The following ADNP variants were observed in gnomAD, a reference collection of about 807,000 sequenced individuals.
ADNP encodes activity-dependent neuroprotector homeobox protein.
A neutral mutation model predicts 84.9 loss-of-function variants in ADNP; 4 were observed. That is an observed-to-expected ratio of 0.05 (90% CI 0.02 to 0.11). ADNP has a LOEUF of 0.11. Among genes scored for constraint, ADNP ranks in the 10% least tolerant of loss-of-function variants. The pLI is 1.00. For synonymous variants in ADNP, 554 were observed against 468.1 expected, an observed-to-expected ratio of 1.18 and a Z score of -2.37; for missense variants, 1,132 against 1,326.0, an observed-to-expected ratio of 0.85 and a Z score of 2.27.
chr20:50,914,003 T>C, intron 2 of ADNP: 2 of 752,626 alleles, frequency 2.7e-6, no homozygotes, highest in South Asian at 1.4e-5. Flanking sequence ...AAAGCCCTTC[T>C]GGGAAAAGGT....
chr20:50,901,957 A>G (rs1464593575), intron 5 of ADNP, 60 bp downstream of exon 5: 5 of 1,257,094 alleles, frequency 4.0e-6, no homozygotes, highest in Non-Finnish European at 5.8e-6. Flanking sequence ...AAAGGCCTAG[A>G]GCTGAAAAGG....
chr20:50,906,073 G>A (rs1167372183), intron 2 of ADNP, among the ~76,000 whole-genome samples: 6 of 152,152 alleles, frequency 3.9e-5, no homozygotes, highest in Admixed American at 6.5e-5. Context: ...TTAGCTGGAC[G>A]TAGTGGCACG....
chr20:50,925,828 C>T (rs566238300), intron 2 of ADNP, among the ~76,000 whole-genome samples: 85 of 152,324 alleles, frequency 5.6e-4, no homozygotes, highest in Non-Finnish European at 1.1e-3. Context: ...GGGCTGGGAG[C>T]GGTGGCTCAC....
rs1984463201 is a variant in ADNP, at chr20:50,928,957, G to C, written c.-264-132C>G. 10 of 152,332 alleles carry C rather than the reference G, an allele frequency of 6.6e-5. No individual in the cohort carries two copies. The South Asian group carries it at 2.1e-3, about 32-fold the overall frequency. 9.4% of individuals were successfully genotyped at this position (152,332 alleles called of 1,614,324 possible). A position where few individuals can be genotyped will look rare whatever the true frequency, so the allele number is the denominator to read the frequency against. On this transcript the variant is annotated intron_variant, in intron 1 of 5. Coordinates refer to ENST00000621696, the MANE Select transcript of ADNP (RefSeq NM_001282531.3). ...CTGAGATAATGAATGGCAATTACAA[G>C]TCCAAATTTGGAGGGAAACGAAATT... is the stretch of plus-strand genomic sequence containing the variant.
Position 50,894,481 on chromosome 20 carries a change from G to A in ADNP, c.233C>T (p.Ala78Val), listed in dbSNP as rs769438690. Residue 78 changes from alanine to valine, a missense_variant, in exon 6 of 6, where the codon GCT becomes GTT. Ala to Val is a moderately conservative substitution (Grantham distance 64). Transcript: ENST00000621696. ...GAAGAATTTTGAGGAAAATGGACAA[G>A]CGCTGCAGCAGAAAGGTTTTGTCCG... ...DYRTKPFCCS[A>V]CPFSSKFFSA... The A allele has an allele frequency of 3.1e-6, 5 of 1,602,768 alleles. No individual in the cohort carries two copies. Among genetic ancestry groups the A allele is most frequent in the Non-Finnish European group, 4.2e-6 (5 of 1,176,928 alleles).
At chr20:50,907,530 G>A (rs1280928292) in intron 2 of ADNP, among the ~76,000 whole-genome samples, 1 of 152,146 alleles carries the variant, frequency 6.6e-6, no homozygotes, top group African/African-American at 2.4e-5. Flanking sequence ...GCCTCCCAAA[G>A]TGCTGGGATT....
intron 5 of ADNP, among the ~76,000 whole-genome samples, chr20:50,901,620 T>C (rs143118914): frequency 3.3e-5 from 5 of 152,122 alleles, no homozygotes; most frequent in African/African-American, 4.8e-5. Flanking sequence ...AGGCCTCCCA[T>C]AGAAGTTGGG....
intron 2 of ADNP, among the ~76,000 whole-genome samples, chr20:50,912,313 A>AT (rs1318975545): frequency 2.0e-5 from 3 of 151,878 alleles, no homozygotes. Context: ...GGCTGGGCTA[A>AT]TTTTTTTTAT....
intron 2 of ADNP, among the ~76,000 whole-genome samples, chr20:50,920,550 C>G (rs1983888890): frequency 6.7e-6 from 1 of 148,568 alleles, no homozygotes; most frequent in South Asian, 2.1e-4. Flanking sequence ...AGCCTGGACT[C>G]CATTAAAAAA....
chr20:50,889,721 C>T lies in ADNP; in HGVS notation c.*1684G>A. On this transcript the variant is annotated 3_prime_UTR_variant, in exon 6 of 6. Transcript: ENST00000621696. ...GAGTTTCCCATCATTGTTTTAATTG[C>T]TGGAAATGTTGGCCTAATTCTGCTT... 5.1e-6 allele frequency: 2 copies of T among 394,134 alleles called. No individual in the cohort carries two copies. The highest frequency in any genetic ancestry group is 8.9e-6 in the Non-Finnish European group (2 of 223,792). The allele number at this position is 394,134 out of a possible 1,614,324, so 24.4% of individuals were successfully genotyped here. A position where few individuals can be genotyped will look rare whatever the true frequency, so the allele number is the denominator to read the frequency against.
intron 2 of ADNP, among the ~76,000 whole-genome samples, chr20:50,919,118 A>G (rs1185081530): frequency 6.6e-6 from 1 of 151,900 alleles, no homozygotes; most frequent in Non-Finnish European, 1.5e-5. Flanking sequence ...CAGCACGTTC[A>G]TTTTCCTGAC....
chr20:50,930,164 A>C (rs1361387197), intron 1 of ADNP, among the ~76,000 whole-genome samples: 2 of 152,086 alleles, frequency 1.3e-5, no homozygotes, highest in African/African-American at 4.8e-5. Context: ...CTGGATTTCC[A>C]TTTTCTACCA....
In ADNP at chr20:50,892,864, T is replaced by C; in HGVS notation, c.1850A>G (p.Lys617Arg). Reference protein sequence around the residue: ...SSPQAAVPYKKDVGKTLCPLC... With the variant: ...SSPQAAVPYKRDVGKTLCPLC... ...AGGACAAAGGGTTTTCCCAACATCT[T>C]TTTTATAGGGCACTGCAGCTTGAGG... The change falls in exon 6 of 6, where the codon AAA becomes AGA. Residue 617 changes from lysine (K) to arginine (R), a missense_variant. Lys to Arg is a conservative substitution (Grantham distance 26, BLOSUM62 2). Around this residue, in one of 10 missense-constraint regions of ADNP, gnomAD observed 53 missense variants for 39.8 expected, o/e 1.33. Transcript: ENST00000621696. 6.2e-7 allele frequency: 1 copy of C among 1,614,244 alleles called. No individual in the cohort carries two copies.
At chr20:50,912,272 G>C (rs1052185696) in intron 2 of ADNP, among the ~76,000 whole-genome samples, 2 of 151,966 alleles carry the variant, frequency 1.3e-5, no homozygotes. Flanking sequence ...TCAGCCTCTC[G>C]AGTAGCTGGG....
At position 50,892,883 on chromosome 20, in the gene ADNP, C is replaced by T. The variant is rs747266957; in HGVS notation, c.1831G>A (p.Ala611Thr). Residue 611 changes from alanine to threonine, a missense_variant, in exon 6 of 6, where the codon GCT becomes ACT. By Grantham distance (58) the Ala-to-Thr change is moderately conservative. Coordinates refer to ENST00000621696, the MANE Select transcript of ADNP (RefSeq NM_001282531.3). ...ACATCTTTTTTATAGGGCACTGCAG[C>T]TTGAGGTGAACTTTTTACAGGGATA... is the stretch of plus-strand genomic sequence containing the variant. ...ADIPVKSSPQ[A>T]AVPYKKDVGK... The T allele has an allele frequency of 6.2e-7, 1 of 1,614,114 alleles. No homozygotes were observed. The highest frequency in any genetic ancestry group is 8.5e-7 in the Non-Finnish European group (1 of 1,180,048).
At chr20:50,921,696 T>A (rs1443076593) in intron 2 of ADNP, among the ~76,000 whole-genome samples, 1 of 152,202 alleles carries the variant, frequency 6.6e-6, no homozygotes. Flanking sequence ...GTTTAAGATA[T>A]GTATACAAAC....
rs1278394037 is a variant in ADNP, at chr20:50,893,298, C to T, written c.1416G>A (p.Glu472=). The change falls in exon 6 of 6, where the codon GAG becomes GAA. Residue 472 remains glutamate (E), a synonymous_variant. Transcript: ENST00000621696. The surrounding 1 kb of genome is among the most constrained non-coding windows in gnomAD (Gnocchi z 4.4). ...TGTAGTTGGCTACTGCTGGGACTTT[C>T]TCAGCTTTATGTTCTTTTTCGAAGT... ...SVHFEKEHKA[E]KVPAVANYIM... 1 of 1,614,222 alleles carries T rather than the reference C, an allele frequency of 6.2e-7. No individual in the cohort carries two copies. Among genetic ancestry groups the T allele is most frequent in the Non-Finnish European group, 8.5e-7 (1 of 1,180,046 alleles).
At chr20:50,914,079 G>A (rs747821763) in intron 2 of ADNP, 2 of 736,718 alleles carry the variant, frequency 2.7e-6, no homozygotes, top group Non-Finnish European at 2.5e-6. Context: ...CCAAAAACAG[G>A]CATGAGATTG....
chr20:50,894,586 G>T (rs1981191100), intron 5 of ADNP, 74 bp from the exon 6 acceptor site: 1 of 1,467,726 alleles, frequency 6.8e-7, no homozygotes, highest in Non-Finnish European at 9.1e-7. Context: ...ATCCCCCCCG[G>T]ATATTCTTAA....
Sources: allele counts gnomAD v4.1 joint callset (sites outside exome capture counted in the v4.1 genomes callset), GRCh38; gene constraint gnomAD v4.1.1; regional missense constraint gnomAD v4.1.1; non-coding constraint Gnocchi (gnomAD v3.1); transcripts MANE v1.5; gene names NCBI Gene and HGNC (gene_info 2026-07-23, HGNC 2026-07-21).